The following SLC17A5 variants were observed in gnomAD, a reference collection of about 807,000 sequenced individuals.
The protein encoded by SLC17A5 is solute carrier family 17 member 5, also known as sialin.
A neutral mutation model predicts 59.4 loss-of-function variants in SLC17A5; 47 were observed. That is an observed-to-expected ratio of 0.79 (90% CI 0.63 to 1.01). The LOEUF (loss-of-function observed/expected upper bound fraction) is 1.01, where lower values mean the gene tolerates loss of function less well. Ranked by LOEUF, SLC17A5 falls within the 50% of genes least tolerant of loss-of-function variation. The pLI, the probability that SLC17A5 is intolerant of heterozygous loss-of-function variation, is 0.00. For missense variants in SLC17A5, 522 were observed against 595.5 expected, an observed-to-expected ratio of 0.88 and a Z score of 1.28; for synonymous variants, 202 against 210.7, an observed-to-expected ratio of 0.96 and a Z score of 0.36.
chr6:73,653,647 C>T, intron 1 of SLC17A5, 146 bp downstream of exon 1: 2 of 984,460 alleles, frequency 2.0e-6, no homozygotes, highest in Non-Finnish European at 2.9e-6. Context: ...GCACTCTGAA[C>T]GGGCTCCCCT....
intron 9 of SLC17A5, among the ~76,000 whole-genome samples, chr6:73,606,610 C>G (rs1412456411): frequency 5.3e-5 from 8 of 152,158 alleles, no homozygotes; most frequent in Non-Finnish European, 7.3e-5. Flanking sequence ...AGCTCAGGCA[C>G]AGGATCCCCC....
chr6:73,636,819 T>G lies in SLC17A5; in HGVS notation c.614-112A>C, dbSNP rs10455279. On this transcript the variant is annotated intron_variant, in intron 4 of 10. Coordinates refer to ENST00000355773, the MANE Select transcript of SLC17A5 (RefSeq NM_012434.5). The stretch of plus-strand genomic sequence containing the variant: ...TAACAGGCTGGGCACAGTGGCTCAT[T>G]CCTGTAATCCCTGCACTTTGGGAGG... 54,632 of 793,914 alleles carry G rather than the reference T, an allele frequency of 0.069. 3,113 individuals carry two copies. The highest frequency in any genetic ancestry group is 0.24 in the Admixed American group (12,468 of 51,604). The allele number at this position is 793,914 out of a possible 1,614,324, so 49.2% of individuals were successfully genotyped here. A position where few individuals can be genotyped will look rare whatever the true frequency, so the allele number is the denominator to read the frequency against.
chr6:73,637,085 A>G (rs1212785403), intron 4 of SLC17A5, among the ~76,000 whole-genome samples: 1 of 152,116 alleles, frequency 6.6e-6, no homozygotes, highest in African/African-American at 2.4e-5. Context: ...GCTCAAAAAA[A>G]AAAAAAAGGC....
chr6:73,633,290 T>C (rs1768850675), intron 6 of SLC17A5, among the ~76,000 whole-genome samples: 2 of 152,040 alleles, frequency 1.3e-5, no homozygotes, highest in African/African-American at 4.8e-5. Flanking sequence ...TTCTAAGTTT[T>C]TGCCAATCTT....
chr6:73,653,719 G>T, intron 1 of SLC17A5, 74 bp downstream of exon 1: 1 of 1,407,296 alleles, frequency 7.1e-7, no homozygotes, highest in Non-Finnish European at 9.8e-7. Flanking sequence ...GGGTACCCGG[G>T]CCATGCCGGC....
chr6:73,621,972 A>G lies in SLC17A5; in HGVS notation c.820-10T>C, dbSNP rs759872866. ...ACTTCTGTGAAGAAAGCTGAAGAAA[A>G]CAGGAATAATTAGGATAAACTACGG... is the stretch of plus-strand genomic sequence containing the variant. On this transcript the variant is annotated splice_polypyrimidine_tract_variant and intron_variant, in intron 6 of 10. Coordinates refer to ENST00000355773, the MANE Select transcript of SLC17A5 (RefSeq NM_012434.5). 2.5e-6 allele frequency: 4 copies of G among 1,613,660 alleles called. No homozygotes were observed. Among genetic ancestry groups the G allele is most frequent in the Non-Finnish European group, 2.5e-6 (3 of 1,179,626 alleles).
rs189468265 is a variant in SLC17A5, at chr6:73,643,805, G to C, written c.291+602C>G. ...AAATGTACTTCTAAAAAGAATACTA[G>C]CTTTTCTTTCTGTACTATCTCCTCG... is the stretch of plus-strand genomic sequence containing the variant. On this transcript the variant is annotated intron_variant, in intron 2 of 10. Transcript: ENST00000355773. Among the ~76,000 whole-genome samples the C allele has an allele frequency of 1.3e-3, 200 of 152,250 alleles. 3 individuals carry two copies. The South Asian group carries it at 0.014, about 11-fold the overall frequency.
intron 9 of SLC17A5, among the ~76,000 whole-genome samples, chr6:73,604,908 C>T (rs1014270899): frequency 5.3e-5 from 8 of 152,140 alleles, no homozygotes; most frequent in African/African-American, 1.9e-4. Flanking sequence ...AACCTGATAT[C>T]AGACATGTTT....
In SLC17A5 at chr6:73,602,549, T is replaced by C. The variant is rs898649821; in HGVS notation, c.1260-2108A>G. Among the ~76,000 whole-genome samples, 265 of 151,744 alleles carry C rather than the reference T, an allele frequency of 1.7e-3. 1 individual carries two copies. The highest frequency in any genetic ancestry group is 6.0e-3 in the African/African-American group (248 of 41,380). Reference sequence around the variant, plus strand: ...CAGCACTTTGGGAGGCCGAGGCGGGTGGATCACGAGGTCAGGAGATCGAGA... The same window carrying C: ...CAGCACTTTGGGAGGCCGAGGCGGGCGGATCACGAGGTCAGGAGATCGAGA... On this transcript the variant is annotated intron_variant, in intron 9 of 10. Coordinates refer to ENST00000355773, the MANE Select transcript of SLC17A5 (RefSeq NM_012434.5).
Position 73,621,958 on chromosome 6 carries a change from G to C in SLC17A5, c.824C>G (p.Ser275Cys), listed in dbSNP as rs770570236. The C allele has an allele frequency of 6.2e-7, 1 of 1,613,906 alleles. No individual in the cohort carries two copies. Among genetic ancestry groups the C allele is most frequent in the Non-Finnish European group, 8.5e-7 (1 of 1,179,860 alleles). The change falls in exon 7 of 11, where the codon TCT becomes TGT. Residue 275 changes from serine to cysteine, a missense_variant. Ser to Cys is a moderately radical substitution (Grantham distance 112). Around this residue, in one of 3 missense-constraint regions of SLC17A5, gnomAD observed 338 missense variants for 363.8 expected, o/e 0.93. Coordinates refer to ENST00000355773, the MANE Select transcript of SLC17A5 (RefSeq NM_012434.5). ...YILSSLRNQLSSQKSVPWVPI... is the reference protein window; with the variant it reads ...YILSSLRNQLCSQKSVPWVPI... ...TACCCACGGCACTGACTTCTGTGAA[G>C]AAAGCTGAAGAAAACAGGAATAATT...
At chr6:73,612,620 G>A (rs1767681367) in intron 8 of SLC17A5, among the ~76,000 whole-genome samples, 1 of 152,016 alleles carries the variant, frequency 6.6e-6, no homozygotes, top group African/African-American at 2.4e-5. Flanking sequence ...TGTTGCCTAG[G>A]TTGGAGTGCA....
chr6:73,616,305 C>A lies in SLC17A5; in HGVS notation c.979-858G>T, dbSNP rs114077071. 4.1e-3 allele frequency among the ~76,000 whole-genome samples: 622 copies of A among 152,240 alleles called. 1 individual carries two copies. Among genetic ancestry groups the A allele is most frequent in the African/African-American group, 0.014 (566 of 41,536 alleles). ...TCCTCCCCCCTTAAATAAGCATTAACCTCGTTTTGGTGTATAGTAATCATG... is the reference window on the plus strand; with the variant it reads ...TCCTCCCCCCTTAAATAAGCATTAAACTCGTTTTGGTGTATAGTAATCATG... On this transcript the variant is annotated intron_variant, in intron 7 of 10. Transcript: ENST00000355773.
intron 6 of SLC17A5, among the ~76,000 whole-genome samples, chr6:73,633,738 G>A (rs1329425666): frequency 6.6e-6 from 1 of 151,826 alleles, no homozygotes; most frequent in Non-Finnish European, 1.5e-5. Flanking sequence ...AAATTAGCTG[G>A]GAGTGGTGGC....
intron 1 of SLC17A5, among the ~76,000 whole-genome samples, chr6:73,646,290 TG>T (rs1769559671): frequency 6.6e-6 from 1 of 152,218 alleles, no homozygotes; most frequent in Non-Finnish European, 1.5e-5. Flanking sequence ...TGATTTAGAC[TG>T]AAACATTAAT....
intron 6 of SLC17A5, among the ~76,000 whole-genome samples, chr6:73,634,524 C>T (rs143628495): frequency 1.7e-3 from 254 of 152,238 alleles, no homozygotes; most frequent in African/African-American, 5.6e-3. Context: ...CTCAGCCTCC[C>T]GAGTAGCTGG....
At chr6:73,641,118 C>T (rs1028148850) in intron 3 of SLC17A5, among the ~76,000 whole-genome samples, 43 of 152,006 alleles carry the variant, frequency 2.8e-4, no homozygotes, top group Admixed American at 1.4e-3. Context: ...GACTTGCTGT[C>T]GTCCAGGCTG....
intron 8 of SLC17A5, among the ~76,000 whole-genome samples, chr6:73,611,372 T>C (rs1691344): frequency 0.42 from 63,417 of 151,924 alleles, 14,070 homozygotes; most frequent in African/African-American, 0.57. Context: ...CTCTGCCTCC[T>C]AGGTTCAAGT....
chr6:73,653,477 C>T, intron 1 of SLC17A5: 1 of 985,280 alleles, frequency 1.0e-6, no homozygotes, highest in Non-Finnish European at 1.2e-6. Flanking sequence ...ACCACCAGCT[C>T]AGCGCCGGCT....
intron 9 of SLC17A5, among the ~76,000 whole-genome samples, chr6:73,601,405 G>T (rs938778316): frequency 2.7e-5 from 4 of 148,242 alleles, no homozygotes; most frequent in Non-Finnish European, 4.5e-5. Flanking sequence ...CCGTCCGGGA[G>T]GGAGGTGGGG....
Sources: gnomAD v4.1 joint callset for allele counts (sites outside exome capture counted in the v4.1 genomes callset) on GRCh38, gnomAD v4.1.1 for gene constraint, gnomAD v4.1.1 regional missense constraint, MANE v1.5 for transcripts, NCBI Gene and HGNC (gene_info 2026-07-23, HGNC 2026-07-21) for gene names.